The following FGGY variants were observed in gnomAD, a reference collection of about 807,000 sequenced individuals.
The protein encoded by FGGY is FGGY carbohydrate kinase domain-containing protein.
Under a neutral mutation model 71.3 loss-of-function variants are expected in FGGY, and 72 were observed. The ratio of observed to expected loss-of-function variants is 1.01; its 90% CI spans 0.84 to 1.23. FGGY has a LOEUF of 1.23. Ranked by LOEUF, FGGY falls within the 50% of genes most tolerant of loss-of-function variation. FGGY has a pLI of 0.00. For missense variants in FGGY, 668 were observed against 682.3 expected (o/e 0.98, Z 0.23); for synonymous variants, 251 against 250.3 (o/e 1.00, Z -0.02).
chr1:59,621,490 T>G (rs2096807045), intron 9 of FGGY, among the ~76,000 whole-genome samples: 1 of 150,016 alleles, frequency 6.7e-6, no homozygotes, highest in Non-Finnish European at 1.5e-5. Flanking sequence ...AGAACTTGTC[T>G]TAGCATGTCT....
At chr1:59,610,974 C>T (rs1239277237) in intron 9 of FGGY, among the ~76,000 whole-genome samples, 1 of 152,216 alleles carries the variant, frequency 6.6e-6, no homozygotes, top group Non-Finnish European at 1.5e-5. Context: ...TAGGGGTGCC[C>T]ACCATTGCTG....
At chr1:59,708,772 G>C (rs1282178911) in intron 14 of FGGY, among the ~76,000 whole-genome samples, 1 of 152,128 alleles carries the variant, frequency 6.6e-6, no homozygotes, top group African/African-American at 2.4e-5. Flanking sequence ...GCGCTAATTT[G>C]AAAATCTAAA....
chr1:59,609,913 TG>T (rs1169263588), intron 9 of FGGY, among the ~76,000 whole-genome samples: 1 of 152,204 alleles, frequency 6.6e-6, no homozygotes, highest in African/African-American at 2.4e-5. Context: ...CATACTTGGA[TG>T]GGGAATCCCT....
intron 1 of FGGY, chr1:59,310,156 G>A (rs1267347990): frequency 6.6e-6 from 1 of 151,674 alleles, no homozygotes; most frequent in East Asian, 1.9e-4. Flanking sequence ...AATTTGCCGA[G>A]ATCTTACAGC....
intron 8 of FGGY, among the ~76,000 whole-genome samples, chr1:59,559,508 CCTG>C (rs1178636191): frequency 6.6e-6 from 1 of 152,122 alleles, no homozygotes; most frequent in African/African-American, 2.4e-5. Flanking sequence ...ATATTTATTT[CCTG>C]GCTCTGTTAG....
intron 5 of FGGY, among the ~76,000 whole-genome samples, chr1:59,438,157 G>T (rs951290942): frequency 6.6e-6 from 1 of 152,136 alleles, no homozygotes; most frequent in African/African-American, 2.4e-5. Context: ...TTAGTTCATT[G>T]TTATTACCAC....
At chr1:59,660,345 C>G (rs1304030819) in intron 12 of FGGY, 52 bp downstream of exon 12, 1 of 1,392,572 alleles carries the variant, frequency 7.2e-7, no homozygotes, top group Non-Finnish European at 1.0e-6. Context: ...TCAGTATACT[C>G]TAGGCCACTG....
chr1:59,578,862 C>T (rs1036229735), intron 8 of FGGY, among the ~76,000 whole-genome samples: 1 of 152,072 alleles, frequency 6.6e-6, no homozygotes, highest in African/African-American at 2.4e-5. Context: ...TGTAAGACTA[C>T]AGCTTGCTTT....
intron 6 of FGGY, among the ~76,000 whole-genome samples, chr1:59,475,393 G>T (rs1319744877): frequency 6.6e-6 from 1 of 152,152 alleles, no homozygotes; most frequent in Non-Finnish European, 1.5e-5. Context: ...AGGATATGTT[G>T]GTTAACAATT....
chr1:59,371,570 A>G lies in FGGY; in HGVS notation c.466-7179A>G, dbSNP rs543369981. On this transcript the variant is annotated intron_variant, in intron 4 of 15. Coordinates refer to ENST00000303721, the MANE Select transcript of FGGY (RefSeq NM_018291.5). Reference sequence around the variant, plus strand: ...CAACAAGCAGACCTAATAGACATCCACAGAACTCTCCACCCCAAATCAACA... The same window carrying G: ...CAACAAGCAGACCTAATAGACATCCGCAGAACTCTCCACCCCAAATCAACA... Among the ~76,000 whole-genome samples, 173 of 152,340 alleles carry G rather than the reference A, an allele frequency of 1.1e-3. 1 individual carries two copies. Among genetic ancestry groups the G allele is most frequent in the Middle Eastern group, 3.4e-3 (1 of 294 alleles).
Position 59,653,676 on chromosome 1 carries a change from C to T in FGGY, c.1222-6543C>T, listed in dbSNP as rs909540577. Among the ~76,000 whole-genome samples the T allele has an allele frequency of 8.5e-5, 13 of 152,206 alleles. No homozygotes were observed. The South Asian group carries it at 1.0e-3, about 12-fold the overall frequency. On this transcript the variant is annotated intron_variant, in intron 11 of 15. Coordinates refer to ENST00000303721, the MANE Select transcript of FGGY (RefSeq NM_018291.5). ...CTGGGACTCCCTAGTGAGATGAACC[C>T]GGTACCTCAGATGGAAATGCGGAAA...
intron 11 of FGGY, among the ~76,000 whole-genome samples, chr1:59,653,523 CG>C (rs2097188234): frequency 6.6e-6 from 1 of 152,036 alleles, no homozygotes; most frequent in African/African-American, 2.4e-5. Flanking sequence ...TTTCCAGGTG[CG>C]TCCGTCACCC....
chr1:59,585,717 A>G (rs1306212964), intron 8 of FGGY, among the ~76,000 whole-genome samples: 2 of 152,206 alleles, frequency 1.3e-5, no homozygotes, highest in Non-Finnish European at 2.9e-5. Context: ...AGAAACTACC[A>G]TCAGGGTGAA....
intron 14 of FGGY, among the ~76,000 whole-genome samples, chr1:59,753,577 C>T (rs2098265670): frequency 7.2e-6 from 1 of 139,378 alleles, no homozygotes; most frequent in South Asian, 2.2e-4. Flanking sequence ...ATTTAGAAAA[C>T]ACAATAAGCA....
chr1:59,611,554 CAG>C (rs766784682), intron 9 of FGGY, among the ~76,000 whole-genome samples: 18 of 152,302 alleles, frequency 1.2e-4, no homozygotes, highest in Non-Finnish European at 2.5e-4. Flanking sequence ...GGGGAAAAAA[CAG>C]AGCAGAAAAA....
Position 59,391,090 on chromosome 1 carries a change from G to T in FGGY, c.554+12253G>T, listed in dbSNP as rs116233596. 3.4e-3 allele frequency among the ~76,000 whole-genome samples: 517 copies of T among 152,312 alleles called. 1 individual carries two copies. Among genetic ancestry groups the T allele is most frequent in the African/African-American group, 0.012 (483 of 41,568 alleles). On this transcript the variant is annotated intron_variant, in intron 5 of 15. Coordinates refer to ENST00000303721, the MANE Select transcript of FGGY (RefSeq NM_018291.5). The stretch of plus-strand genomic sequence containing the variant: ...CTCAGTTAAATAGCTTGTGGATGGG[G>T]TGAGGAAGAGGGACCATTTAGAAAC...
chr1:59,498,918 C>G (rs976106538), intron 6 of FGGY, among the ~76,000 whole-genome samples: 1 of 152,200 alleles, frequency 6.6e-6, no homozygotes, highest in Non-Finnish European at 1.5e-5. Flanking sequence ...CTCCTTCATT[C>G]AGGAGTGAGG....
chr1:59,560,022 A>G (rs1282031820), intron 8 of FGGY, among the ~76,000 whole-genome samples: 1 of 152,184 alleles, frequency 6.6e-6, no homozygotes, highest in Non-Finnish European at 1.5e-5. Context: ...TCCACAAAAT[A>G]TGGTATGGAA....
rs147464799 is a variant in FGGY, at chr1:59,444,237, A to G, written c.555-12724A>G. ...GGGTCTTTGCTCCCTTAATGAAGGA[A>G]TCTAAGGCAAAGTAGAGATTCTTTT... On this transcript the variant is annotated intron_variant, in intron 5 of 15. Transcript: ENST00000303721. Among the ~76,000 whole-genome samples the G allele has an allele frequency of 9.9e-5, 15 of 152,284 alleles. No individual in the cohort carries two copies. In the East Asian group the frequency reaches 2.9e-3, roughly 29 times the overall value.
Sources: gnomAD v4.1 joint callset for allele counts (sites outside exome capture counted in the v4.1 genomes callset) on GRCh38, gnomAD v4.1.1 for gene constraint, MANE v1.5 for transcripts, NCBI Gene and HGNC (gene_info 2026-07-23, HGNC 2026-07-21) for gene names.